Variants in TXNRD3 observed in about 807,000 individuals in gnomAD.
TXNRD3 encodes TXNRD3 neighbor gene protein.
In TXNRD3, 68 loss-of-function variants were observed where a neutral mutation model predicts 78.2. The ratio of observed to expected loss-of-function variants is 0.87; its 90% CI spans 0.72 to 1.06. The LOEUF is 1.06. TXNRD3 is among the 50% of genes least tolerant of loss of function. TXNRD3 has a pLI of 0.00. For missense variants in TXNRD3, 751 were observed against 809.5 expected (o/e 0.93, Z 0.88); for synonymous variants, 296 against 300.1 (o/e 0.99, Z 0.14).
chr3:126,646,608 C>A (rs1345134070), intron 2 of TXNRD3, among the ~76,000 whole-genome samples: 1 of 152,172 alleles, frequency 6.6e-6, no homozygotes, highest in African/African-American at 2.4e-5. Context: ...TATTTATCTT[C>A]CATCCCTAAA....
At chr3:126,638,848 A>T (rs934308159) in intron 6 of TXNRD3, among the ~76,000 whole-genome samples, 3 of 152,262 alleles carry the variant, frequency 2.0e-5, no homozygotes, top group Non-Finnish European at 4.4e-5. Flanking sequence ...TTCAGCACTT[A>T]GAACAGAATT....
rs1938689347 is a variant in TXNRD3, at chr3:126,630,726, AT to A, written c.1182del (p.Lys394AsnfsTer5). ...TGCAGCCTTACCATCACAGGTATGA[AT>A]TTCCGTAGGAACTTCACACCATGCT... On this transcript the variant is annotated frameshift_variant, in exon 9 of 16. Transcript: ENST00000524230. LOFTEE classifies it high-confidence loss of function. 4.6e-6 allele frequency: 7 copies of A among 1,534,178 alleles called. No individual in the cohort carries two copies. The highest frequency in any genetic ancestry group is 6.1e-6 in the Non-Finnish European group (7 of 1,146,854).
chr3:126,649,442 C>T (rs1205207181), intron 1 of TXNRD3, among the ~76,000 whole-genome samples: 1 of 152,114 alleles, frequency 6.6e-6, no homozygotes, highest in African/African-American at 2.4e-5. Context: ...GACAGTTCCT[C>T]AAAAAATTAC....
chr3:126,622,076 A>T, intron 11 of TXNRD3, among the ~76,000 whole-genome samples, 178 bp from the exon 12 acceptor site: 1 of 152,236 alleles, frequency 6.6e-6, no homozygotes, highest in South Asian at 2.1e-4. Flanking sequence ...CTGTAGCTCC[A>T]AAAGAAAATA....
rs1938477082 is a variant in TXNRD3, at chr3:126,622,338, A to G, written c.1367+126T>C. The G allele has an allele frequency of 4.8e-6, 3 of 628,558 alleles. No individual in the cohort carries two copies. The East Asian group carries it at 8.8e-5, about 19-fold the overall frequency. The allele number at this position is 628,558 out of a possible 1,614,324, so 38.9% of individuals were successfully genotyped here. On this transcript the variant is annotated intron_variant, in intron 11 of 15. Transcript: ENST00000524230. ...ATTGATGAAGAAATTGATTATAAAG[A>G]GCTGGCACTGAACTTATAAGATAAA...
At chr3:126,646,820 A>ATATTAGAT (rs1933245128) in intron 2 of TXNRD3, among the ~76,000 whole-genome samples, 1 of 152,228 alleles carries the variant, frequency 6.6e-6, no homozygotes, top group South Asian at 2.1e-4. Flanking sequence ...TGCTGAACTA[A>ATATTAGAT]TATTAGATGT....
chr3:126,649,071 T>C (rs1447004191), intron 1 of TXNRD3, among the ~76,000 whole-genome samples: 1 of 152,190 alleles, frequency 6.6e-6, no homozygotes, highest in African/African-American at 2.4e-5. Flanking sequence ...AGGAACTGAA[T>C]AGGGTATTTG....
chr3:126,627,365 T>C (rs1440133280), intron 10 of TXNRD3, among the ~76,000 whole-genome samples: 1 of 152,124 alleles, frequency 6.6e-6, no homozygotes, highest in Non-Finnish European at 1.5e-5. Flanking sequence ...AATAAGTCTG[T>C]AGTGACAGAA....
intron 13 of TXNRD3, among the ~76,000 whole-genome samples, chr3:126,613,121 T>A (rs1391285429): frequency 1.3e-5 from 2 of 152,244 alleles, no homozygotes; most frequent in African/African-American, 4.8e-5. Flanking sequence ...AAAGCTCTGC[T>A]GTGGAAAACA....
chr3:126,640,430 T>C (rs1001380246), intron 6 of TXNRD3, among the ~76,000 whole-genome samples: 3 of 151,976 alleles, frequency 2.0e-5, no homozygotes, highest in Admixed American at 1.3e-4. Flanking sequence ...TCTATCTCAG[T>C]GAACAGTATT....
At chr3:126,645,102 A>T (rs1933196009) in intron 3 of TXNRD3, among the ~76,000 whole-genome samples, 1 of 152,212 alleles carries the variant, frequency 6.6e-6, no homozygotes, top group African/African-American at 2.4e-5. Flanking sequence ...TTCCTGTAAC[A>T]CACAACAGAT....
Position 126,646,124 on chromosome 3 carries a change from T to C in TXNRD3, c.401A>G (p.Asp134Gly), listed in dbSNP as rs1186837903. Residue 134 changes from aspartate (D) to glycine (G), a missense_variant, in exon 3 of 16, where the codon GAC becomes GGC. Transcript: ENST00000524230. ...TAGTATTATTACCTGGAAAGTTTGG[T>C]CACATCCACCTACATGCACTTTATT... 3 of 1,525,136 alleles carry C rather than the reference T, an allele frequency of 2.0e-6. No individual in the cohort carries two copies. The highest frequency in any genetic ancestry group is 1.7e-4 in the Middle Eastern group (1 of 5,974). 94.5% of individuals were successfully genotyped at this position (1,525,136 alleles called of 1,614,324 possible).
intron 13 of TXNRD3, among the ~76,000 whole-genome samples, chr3:126,612,208 T>C (rs1938214704): frequency 6.6e-6 from 1 of 152,046 alleles, no homozygotes; most frequent in African/African-American, 2.4e-5. Flanking sequence ...TGGCTAATTT[T>C]TGTATTTTCT....
chr3:126,655,054 C>A lies in TXNRD3; in HGVS notation c.-64G>T, dbSNP rs2107633119. ...CAAACCGAAACGCAGGCGGCTGCGG[C>A]GCCGGGACGGGGCCTGAGGGGCGGC... On this transcript the variant is annotated 5_prime_UTR_variant, in exon 1 of 16. Coordinates refer to ENST00000524230, the MANE Select transcript of TXNRD3 (RefSeq NM_052883.3). 1 of 1,291,552 alleles carries A rather than the reference C, an allele frequency of 7.7e-7. No homozygotes were observed. Among genetic ancestry groups the A allele is most frequent in the Non-Finnish European group, 9.8e-7 (1 of 1,020,962 alleles). The allele number at this position is 1,291,552 out of a possible 1,614,324, so 80.0% of individuals were successfully genotyped here.
At position 126,615,442 on chromosome 3, in the gene TXNRD3, C is replaced by T. The variant is rs1025143898; in HGVS notation, c.1545G>A (p.Pro515=). 46 of 1,504,530 alleles carry T rather than the reference C, an allele frequency of 3.1e-5. No homozygotes were observed. Among genetic ancestry groups the T allele is most frequent in the Middle Eastern group, 1.7e-4 (1 of 5,886 alleles). 93.2% of individuals were successfully genotyped at this position (1,504,530 alleles called of 1,614,324 possible). Residue 515 remains proline, a synonymous_variant, in exon 13 of 16, where the codon CCG becomes CCA. Coordinates refer to ENST00000524230, the MANE Select transcript of TXNRD3 (RefSeq NM_052883.3). ...ACTCCAGAGGAGTAAACACTGTAGTCGGAACATTAATATAATCACACTGAA... is the reference window on the plus strand; with the variant it reads ...ACTCCAGAGGAGTAAACACTGTAGTTGGAACATTAATATAATCACACTGAA...
Position 126,633,899 on chromosome 3 carries a change from C to G in TXNRD3, c.855+10G>C. 6.8e-7 allele frequency: 1 copy of G among 1,469,424 alleles called. No individual in the cohort carries two copies. The allele number at this position is 1,469,424 out of a possible 1,614,324, so 91.0% of individuals were successfully genotyped here. A position where few individuals can be genotyped will look rare whatever the true frequency, so the allele number is the denominator to read the frequency against. On this transcript the variant is annotated intron_variant, in intron 7 of 15. Transcript: ENST00000524230. ...AAGGAGATGAACAAGACAAGAAACTCAAGCACTACCTTTATTTTATGATGT... is the reference window on the plus strand; with the variant it reads ...AAGGAGATGAACAAGACAAGAAACTGAAGCACTACCTTTATTTTATGATGT...
In TXNRD3 at chr3:126,629,446, G is replaced by C; in HGVS notation, c.1223C>G (p.Pro408Arg). 1 of 1,535,454 alleles carries C rather than the reference G, an allele frequency of 6.5e-7. No individual in the cohort carries two copies. Among genetic ancestry groups the C allele is most frequent in the Non-Finnish European group, 8.7e-7 (1 of 1,146,478 alleles). The change falls in exon 10 of 16, where the codon CCT (proline) becomes CGT (arginine). Residue 408 changes from proline to arginine, a missense_variant. By Grantham distance (103) the Pro-to-Arg change is moderately radical. Coordinates refer to ENST00000524230, the MANE Select transcript of TXNRD3 (RefSeq NM_052883.3). ...TTTAGCCAACACTTTCAGCTTTCCA[G>C]GTGAACCTTTCTCCAACTGTTGAAC... is the stretch of plus-strand genomic sequence containing the variant.
intron 14 of TXNRD3, chr3:126,609,051 T>A: frequency 3.4e-6 from 1 of 295,812 alleles, no homozygotes; most frequent in South Asian, 3.1e-5. Flanking sequence ...GCTCCCAACA[T>A]CAAGTGGAGA....
intron 15 of TXNRD3, among the ~76,000 whole-genome samples, chr3:126,608,239 T>C (rs1938102447): frequency 6.6e-6 from 1 of 152,086 alleles, no homozygotes; most frequent in African/African-American, 2.4e-5. Flanking sequence ...TGCACACCTG[T>C]AGTCCCAGCT....
Sources: gnomAD v4.1 joint callset for allele counts (sites outside exome capture counted in the v4.1 genomes callset) on GRCh38, gnomAD v4.1.1 for gene constraint, MANE v1.5 for transcripts, NCBI Gene and HGNC (gene_info 2026-07-23, HGNC 2026-07-21) for gene names.